The following SLC39A12 variants were observed in gnomAD, a reference collection of about 807,000 sequenced individuals.
SLC39A12 encodes zinc transporter ZIP12.
In SLC39A12, 63 loss-of-function variants were observed where a neutral mutation model predicts 71.1. The observed-to-expected ratio is 0.89, with a 90% CI of 0.72 to 1.09. SLC39A12 has a LOEUF of 1.09. Among genes scored for constraint, SLC39A12 ranks in the 50% least tolerant of loss-of-function variants. The probability of loss-of-function intolerance (pLI) is 0.00; values close to 1 mark genes in which losing one functional copy is unlikely to be tolerated. For missense variants in SLC39A12, 892 were observed against 812.6 expected (o/e 1.10, Z -1.19); for synonymous variants, 351 against 301.3 (o/e 1.16, Z -1.71).
chr10:18,017,255 T>C (rs1589250336), intron 12 of SLC39A12, among the ~76,000 whole-genome samples: 1 of 152,332 alleles, frequency 6.6e-6, no homozygotes, highest in East Asian at 1.9e-4. Flanking sequence ...CCTAATCTTC[T>C]AGGATTTTTA....
intron 12 of SLC39A12, among the ~76,000 whole-genome samples, chr10:18,011,674 A>G (rs555972430): frequency 4.1e-4 from 63 of 152,298 alleles, no homozygotes; most frequent in African/African-American, 1.4e-3. Flanking sequence ...GTCTAACTGA[A>G]TCACTTCCCC....
At chr10:18,034,792 T>G (rs1450592558) in intron 12 of SLC39A12, among the ~76,000 whole-genome samples, 1 of 150,230 alleles carries the variant, frequency 6.7e-6, no homozygotes, top group African/African-American at 2.4e-5. Context: ...GTACCGGTTG[T>G]TCCTTTCCAT....
At chr10:18,001,341 C>A (rs1835828641) in intron 11 of SLC39A12, among the ~76,000 whole-genome samples, 1 of 152,066 alleles carries the variant, frequency 6.6e-6, no homozygotes, top group Non-Finnish European at 1.5e-5. Context: ...AGGGTAAAAC[C>A]CCGTCTCTAT....
At chr10:17,955,363 G>A (rs1478266938) in intron 2 of SLC39A12, among the ~76,000 whole-genome samples, 1 of 152,166 alleles carries the variant, frequency 6.6e-6, no homozygotes, top group Non-Finnish European at 1.5e-5. Flanking sequence ...GCAGAAGTGA[G>A]TCTCAGCTTT....
chr10:17,979,095 A>G (rs1405347497), intron 5 of SLC39A12, among the ~76,000 whole-genome samples: 3 of 152,256 alleles, frequency 2.0e-5, no homozygotes, highest in African/African-American at 4.8e-5. Context: ...GATAACATCA[A>G]CACAAGTACA....
chr10:17,962,891 C>G (rs1834727778), intron 3 of SLC39A12, among the ~76,000 whole-genome samples: 1 of 152,160 alleles, frequency 6.6e-6, no homozygotes, highest in African/African-American at 2.4e-5. Context: ...TGCAGTGGCT[C>G]ATACCTATAA....
intron 6 of SLC39A12, among the ~76,000 whole-genome samples, chr10:17,982,176 G>A (rs1349611588): frequency 6.6e-6 from 1 of 152,198 alleles, no homozygotes; most frequent in Non-Finnish European, 1.5e-5. Context: ...GTCAGCCCCA[G>A]GAAGGGAAGG....
At chr10:17,953,646 T>A (rs1045466460) in intron 2 of SLC39A12, 109 bp downstream of exon 2, 1 of 1,294,754 alleles carries the variant, frequency 7.7e-7, no homozygotes, top group East Asian at 2.5e-5. Context: ...TCTTCCAATA[T>A]GCAATTGAGC....
At chr10:17,992,280 G>A (rs964071810) in intron 8 of SLC39A12, among the ~76,000 whole-genome samples, 1 of 152,134 alleles carries the variant, frequency 6.6e-6, no homozygotes, top group African/African-American at 2.4e-5. Context: ...GATCAAGGAA[G>A]TGGATAGCTC....
chr10:18,022,649 C>A (rs1205287906), intron 12 of SLC39A12, among the ~76,000 whole-genome samples: 1 of 152,148 alleles, frequency 6.6e-6, no homozygotes, highest in Non-Finnish European at 1.5e-5. Context: ...CCATTTCATT[C>A]TGGTTAACAT....
At chr10:17,961,128 G>T (rs1395986987) in intron 2 of SLC39A12, among the ~76,000 whole-genome samples, 2 of 152,172 alleles carry the variant, frequency 1.3e-5, no homozygotes, top group African/African-American at 2.4e-5. Context: ...AGACCTGGAA[G>T]ATTGTGGGAA....
chr10:17,998,444 AAGAAG>A (rs1223927979), intron 10 of SLC39A12, among the ~76,000 whole-genome samples: 1 of 152,098 alleles, frequency 6.6e-6, no homozygotes, highest in Admixed American at 6.6e-5. Context: ...TCCTTTCACA[AAGAAG>A]AGCTTTATCT....
intron 12 of SLC39A12, among the ~76,000 whole-genome samples, chr10:18,042,160 G>C (rs1361932725): frequency 2.6e-5 from 4 of 151,946 alleles, no homozygotes; most frequent in African/African-American, 9.7e-5. Context: ...TTTGTTTTTG[G>C]TTGGTAACTA....
chr10:18,024,720 T>G (rs1836626892), intron 12 of SLC39A12, among the ~76,000 whole-genome samples: 1 of 152,222 alleles, frequency 6.6e-6, no homozygotes, highest in Non-Finnish European at 1.5e-5. Flanking sequence ...TCTTCAAATC[T>G]AGTTGTGAAT....
At chr10:18,010,852 C>T (rs921040644) in intron 12 of SLC39A12, among the ~76,000 whole-genome samples, 9 of 152,264 alleles carry the variant, frequency 5.9e-5, no homozygotes, top group East Asian at 3.9e-4. Context: ...CCACCTCTGC[C>T]ACCTCTGAGA....
chr10:17,986,533 C>T (rs1418958358), intron 6 of SLC39A12, among the ~76,000 whole-genome samples: 1 of 152,162 alleles, frequency 6.6e-6, no homozygotes, highest in African/African-American at 2.4e-5. Context: ...ACCCTAATCC[C>T]ATTCAACAGG....
intron 4 of SLC39A12, among the ~76,000 whole-genome samples, chr10:17,966,585 A>G (rs951050225): frequency 6.6e-6 from 1 of 152,038 alleles, no homozygotes; most frequent in African/African-American, 2.4e-5. Flanking sequence ...TGCTGGGACT[A>G]TAGGAGTGTG....
intron 4 of SLC39A12, among the ~76,000 whole-genome samples, chr10:17,971,271 C>CCTCCT (rs1834966716): frequency 1.1e-5 from 1 of 94,776 alleles, no homozygotes; most frequent in African/African-American, 3.9e-5. Context: ...CCTCCCCTCC[C>CCTCCT]CTCCCCTCCC....
Position 17,991,177 on chromosome 10 carries a change from C to G in SLC39A12, c.1296C>G (p.Ala432=), listed in dbSNP as rs1351112499. 1.3e-6 allele frequency: 2 copies of G among 1,561,434 alleles called. No homozygotes were observed. Among genetic ancestry groups the G allele is most frequent in the African/African-American group, 2.8e-5 (2 of 71,322 alleles). ...PQVLGLHKQE[A]PEFGHFHESK... Reference sequence around the variant, plus strand: ...TTCTTGGTTTACATAAGCAGGAAGCCCCAGAATTTGGGCATTTCCATGAAA... The same window carrying G: ...TTCTTGGTTTACATAAGCAGGAAGCGCCAGAATTTGGGCATTTCCATGAAA... Residue 432 remains alanine (A), a synonymous_variant, in exon 8 of 13, where the codon GCC becomes GCG. Transcript: ENST00000377369.
Sources: gnomAD v4.1 joint callset for allele counts (sites outside exome capture counted in the v4.1 genomes callset) on GRCh38, gnomAD v4.1.1 for gene constraint, MANE v1.5 for transcripts, NCBI Gene and HGNC (gene_info 2026-07-23, HGNC 2026-07-21) for gene names.